The following CPED1 variants were observed in gnomAD, a reference collection of about 807,000 sequenced individuals.
CPED1 encodes cadherin like and PC-esterase domain containing 1.
In CPED1, 114 loss-of-function variants were observed where a neutral mutation model predicts 128.2. The observed-to-expected ratio is 0.89, with a 90% CI of 0.76 to 1.04. The LOEUF (loss-of-function observed/expected upper bound fraction) is 1.04, where lower values mean the gene tolerates loss of function less well. CPED1 is among the 50% of genes least tolerant of loss of function. The probability of loss-of-function intolerance (pLI) is 0.00; values close to 1 mark genes in which losing one functional copy is unlikely to be tolerated. For synonymous variants in CPED1, 462 were observed against 426.7 expected, an observed-to-expected ratio of 1.08 and a Z score of -1.02; for missense variants, 1,211 against 1,207.1, an observed-to-expected ratio of 1.00 and a Z score of -0.05.
chr7:121,179,783 G>T (rs143662442), intron 16 of CPED1, among the ~76,000 whole-genome samples: 1,933 of 152,126 alleles, frequency 0.013, 17 homozygotes, highest in Non-Finnish European at 0.018. Context: ...AGTAGTAAGG[G>T]AAGTAGTACA....
chr7:121,063,811 G>T (rs1793749251), intron 4 of CPED1, among the ~76,000 whole-genome samples: 1 of 152,036 alleles, frequency 6.6e-6, no homozygotes, highest in Non-Finnish European at 1.5e-5. Context: ...GAAGTTTTGT[G>T]GGTGACTGGG....
intron 5 of CPED1, among the ~76,000 whole-genome samples, chr7:121,071,064 A>G (rs1315176807): frequency 6.6e-6 from 1 of 152,142 alleles, no homozygotes; most frequent in African/African-American, 2.4e-5. Flanking sequence ...TAGAGGCCAG[A>G]TAACCTGCAC....
chr7:121,032,601 C>T (rs952610130), intron 3 of CPED1, among the ~76,000 whole-genome samples: 6 of 151,624 alleles, frequency 4.0e-5, no homozygotes, highest in African/African-American at 9.7e-5. Flanking sequence ...CTAATGTATG[C>T]GGGGCTTAAA....
At position 121,046,621 on chromosome 7, in the gene CPED1, T is replaced by A. The variant is rs1387984085; in HGVS notation, c.434-266T>A. ...AATCTTTTAAATGAATTTTATAATG[T>A]CTTTTAAATGAATTTTATAATATGT... is the stretch of plus-strand genomic sequence containing the variant. On this transcript the variant is annotated intron_variant, in intron 3 of 22. Transcript: ENST00000310396. 5.9e-5 allele frequency among the ~76,000 whole-genome samples: 9 copies of A among 152,100 alleles called. No homozygotes were observed. In the East Asian group the frequency reaches 1.7e-3, roughly 29 times the overall value.
chr7:121,033,515 C>A (rs537192448), intron 3 of CPED1, among the ~76,000 whole-genome samples: 6 of 152,306 alleles, frequency 3.9e-5, no homozygotes, highest in African/African-American at 1.2e-4. Context: ...AAAATATTAA[C>A]TCACCATCCC....
intron 4 of CPED1, among the ~76,000 whole-genome samples, chr7:121,050,050 C>T (rs1401406297): frequency 1.3e-5 from 2 of 152,216 alleles, no homozygotes; most frequent in Non-Finnish European, 2.9e-5. Flanking sequence ...ACACTCAGCA[C>T]CACTATCACC....
chr7:121,039,337 G>T (rs1792985676), intron 3 of CPED1, among the ~76,000 whole-genome samples: 1 of 151,830 alleles, frequency 6.6e-6, no homozygotes, highest in Admixed American at 6.6e-5. Context: ...TTACTTTTTT[G>T]TTTGCTTGCT....
chr7:121,060,978 T>C (rs1336915985), intron 4 of CPED1, among the ~76,000 whole-genome samples: 1 of 151,954 alleles, frequency 6.6e-6, no homozygotes, highest in East Asian at 1.9e-4. Context: ...ACGCGCCACC[T>C]TAAGAGCTGT....
intron 3 of CPED1, among the ~76,000 whole-genome samples, chr7:121,040,838 G>A (rs939413023): frequency 3.3e-5 from 5 of 151,912 alleles, no homozygotes; most frequent in Admixed American, 6.6e-5. Context: ...GTTTAATATC[G>A]TGAATAAGTA....
At chr7:121,251,253 CA>C (rs1333354069) in intron 18 of CPED1, among the ~76,000 whole-genome samples, 4 of 152,088 alleles carry the variant, frequency 2.6e-5, no homozygotes, top group Non-Finnish European at 4.4e-5. Flanking sequence ...AGGCCTTTGA[CA>C]AAATTCAACA....
chr7:121,137,648 T>G (rs948536015), intron 14 of CPED1, among the ~76,000 whole-genome samples: 2 of 152,070 alleles, frequency 1.3e-5, no homozygotes, highest in African/African-American at 4.8e-5. Context: ...AAATGGCATT[T>G]TAAATAAAGT....
chr7:121,060,860 T>C (rs1793647810), intron 4 of CPED1, among the ~76,000 whole-genome samples: 1 of 152,178 alleles, frequency 6.6e-6, no homozygotes, highest in Non-Finnish European at 1.5e-5. Context: ...GCTCACTCTT[T>C]GGGTCCACAC....
intron 7 of CPED1, among the ~76,000 whole-genome samples, chr7:121,114,333 T>C (rs928070736): frequency 2.6e-5 from 4 of 152,160 alleles, no homozygotes; most frequent in African/African-American, 9.7e-5. Flanking sequence ...CCCATAAAGC[T>C]TATTGACTGC....
intron 5 of CPED1, chr7:121,076,701 A>T (rs1794132844): frequency 6.6e-6 from 1 of 152,108 alleles, no homozygotes; most frequent in Admixed American, 6.6e-5. Context: ...CTTCTTATAG[A>T]TTAGCTCTCT....
At chr7:121,294,667 C>A (rs1315841833) in intron 22 of CPED1, among the ~76,000 whole-genome samples, 1 of 151,820 alleles carries the variant, frequency 6.6e-6, no homozygotes, top group African/African-American at 2.4e-5. Flanking sequence ...GACCTAAGGG[C>A]AGGATTTATC....
At chr7:121,248,607 A>G (rs1798595347) in intron 18 of CPED1, among the ~76,000 whole-genome samples, 1 of 151,858 alleles carries the variant, frequency 6.6e-6, no homozygotes, top group Non-Finnish European at 1.5e-5. Context: ...AAAAAAAAAA[A>G]AAAAAAGCAT....
rs536235463 is a variant in CPED1 at position 121,155,397 on chromosome 7, G to A, written c.2055+13256G>A. On this transcript the variant is annotated intron_variant, in intron 16 of 22. Coordinates refer to ENST00000310396, the MANE Select transcript of CPED1 (RefSeq NM_024913.5). ...GTGGAACCAAAAAAGATCCTGAATAGCCAAAGCAATACTTGGTAAAAAGAA... is the reference window on the plus strand; with the variant it reads ...GTGGAACCAAAAAAGATCCTGAATAACCAAAGCAATACTTGGTAAAAAGAA... 5.8e-4 allele frequency among the ~76,000 whole-genome samples: 89 copies of A among 152,224 alleles called. No individual in the cohort carries two copies. The South Asian group carries it at 0.018, about 32-fold the overall frequency.
At chr7:121,256,437 T>G (rs984038808) in intron 18 of CPED1, among the ~76,000 whole-genome samples, 2 of 152,028 alleles carry the variant, frequency 1.3e-5, no homozygotes, top group Admixed American at 1.3e-4. Context: ...TATTTCAAGA[T>G]GTATTAAAGA....
chr7:121,151,373 G>T (rs1413603472), intron 16 of CPED1, among the ~76,000 whole-genome samples: 2 of 152,134 alleles, frequency 1.3e-5, no homozygotes, highest in East Asian at 3.9e-4. Context: ...TTTCATTTCT[G>T]TCATAAAATA....
Sources: allele counts gnomAD v4.1 joint callset (sites outside exome capture counted in the v4.1 genomes callset), GRCh38; gene constraint gnomAD v4.1.1; transcripts MANE v1.5; gene names NCBI Gene and HGNC (gene_info 2026-07-23, HGNC 2026-07-21).